Variants in CNTN5 observed in about 807,000 individuals in gnomAD.
CNTN5 encodes the protein contactin-5.
In CNTN5, 77 loss-of-function variants were observed where a neutral mutation model predicts 129.1. The observed-to-expected ratio is 0.60, with a 90% confidence interval of 0.50 to 0.72. The LOEUF is 0.72. CNTN5 is among the 30% of genes least tolerant of loss of function. The pLI is 0.00. For missense variants in CNTN5, 1,478 were observed against 1,328.8 expected, an observed-to-expected ratio of 1.11 and a Z score of -1.75; for synonymous variants, 509 against 465.6, an observed-to-expected ratio of 1.09 and a Z score of -1.20.
At chr11:99,077,457 A>T (rs1486610480) in intron 1 of CNTN5, among the ~76,000 whole-genome samples, 1 of 152,198 alleles carries the variant, frequency 6.6e-6, no homozygotes, top group East Asian at 1.9e-4. Flanking sequence ...CAGTTTGTAT[A>T]TTATTTATTA....
At chr11:99,369,117 C>T (rs1376318474) in intron 2 of CNTN5, among the ~76,000 whole-genome samples, 1 of 108,582 alleles carries the variant, frequency 9.2e-6, no homozygotes, top group East Asian at 2.7e-4. Context: ...TCCAAGTCCT[C>T]CACAAAGACG....
At chr11:99,546,196 G>C (rs1427942861) in intron 2 of CNTN5, among the ~76,000 whole-genome samples, 5 of 152,136 alleles carry the variant, frequency 3.3e-5, no homozygotes, top group Admixed American at 2.0e-4. Flanking sequence ...ATGGAAGCTT[G>C]ATAAGATCTA....
At chr11:99,056,667 C>G (rs1305081767) in intron 1 of CNTN5, among the ~76,000 whole-genome samples, 5 of 151,994 alleles carry the variant, frequency 3.3e-5, no homozygotes, top group African/African-American at 4.8e-5. Flanking sequence ...GTTCATGCCT[C>G]TAGGTCTGGG....
intron 1 of CNTN5, among the ~76,000 whole-genome samples, chr11:99,114,864 C>T (rs1304970572): frequency 6.6e-6 from 1 of 152,088 alleles, no homozygotes; most frequent in Non-Finnish European, 1.5e-5. Flanking sequence ...TTTGTATCTC[C>T]CTGAAACGTA....
chr11:99,189,858 T>A (rs1259194202), intron 1 of CNTN5, among the ~76,000 whole-genome samples: 2 of 151,670 alleles, frequency 1.3e-5, no homozygotes, highest in Non-Finnish European at 3.0e-5. Context: ...TTATAGGTTG[T>A]CCCTTTACTC....
chr11:99,961,131 G>A (rs1375365909), intron 8 of CNTN5, among the ~76,000 whole-genome samples: 1 of 151,060 alleles, frequency 6.6e-6, no homozygotes, highest in Non-Finnish European at 1.5e-5. Context: ...CTGGAACCCG[G>A]GAGGCGGATG....
At chr11:100,198,595 G>A (rs1948704672) in intron 15 of CNTN5, among the ~76,000 whole-genome samples, 1 of 151,882 alleles carries the variant, frequency 6.6e-6, no homozygotes, top group Admixed American at 6.6e-5. Flanking sequence ...GGTTGTGCTG[G>A]ATCTTAGAGA....
At chr11:99,230,200 A>G (rs1860916869) in intron 1 of CNTN5, among the ~76,000 whole-genome samples, 1 of 152,048 alleles carries the variant, frequency 6.6e-6, no homozygotes, top group Non-Finnish European at 1.5e-5. Flanking sequence ...ATATAATTAG[A>G]AAGACTACAT....
chr11:99,815,240 G>T (rs1275783192), intron 3 of CNTN5, among the ~76,000 whole-genome samples: 10 of 152,160 alleles, frequency 6.6e-5, no homozygotes, highest in African/African-American at 2.4e-4. Flanking sequence ...ACAGATTTCT[G>T]CATTTGTTAA....
chr11:99,667,180 A>G (rs1469993797), intron 3 of CNTN5, among the ~76,000 whole-genome samples: 1 of 152,094 alleles, frequency 6.6e-6, no homozygotes, highest in African/African-American at 2.4e-5. Context: ...ACCAAAGGTC[A>G]GTGGTATGAT....
chr11:99,322,543 T>C (rs762444161), intron 1 of CNTN5, among the ~76,000 whole-genome samples: 4 of 152,162 alleles, frequency 2.6e-5, no homozygotes, highest in Admixed American at 2.6e-4. Flanking sequence ...GAAGTTACTA[T>C]GTTGTTGATA....
intron 7 of CNTN5, among the ~76,000 whole-genome samples, chr11:99,945,638 C>T (rs889498636): frequency 6.6e-6 from 1 of 151,852 alleles, no homozygotes; most frequent in Non-Finnish European, 1.5e-5. Flanking sequence ...GTGTTATTAT[C>T]ATTTCATAGA....
intron 13 of CNTN5, among the ~76,000 whole-genome samples, chr11:100,158,877 A>G (rs149963974): frequency 6.6e-6 from 1 of 152,058 alleles, no homozygotes; most frequent in East Asian, 1.9e-4. Flanking sequence ...CAATGTTCAT[A>G]GCAGCACTGT....
intron 7 of CNTN5, among the ~76,000 whole-genome samples, chr11:99,935,925 T>C (rs973582136): frequency 2.0e-5 from 3 of 152,164 alleles, no homozygotes; most frequent in African/African-American, 7.2e-5. Context: ...TCTTTTATCC[T>C]ACCATGCTGG....
intron 9 of CNTN5, among the ~76,000 whole-genome samples, chr11:100,039,905 T>C (rs1942271968): frequency 6.6e-6 from 1 of 152,158 alleles, no homozygotes; most frequent in South Asian, 2.1e-4. Flanking sequence ...TTCTTTGCCA[T>C]TGGTTCGAAT....
chr11:99,412,325 C>T (rs1376207506), intron 2 of CNTN5, among the ~76,000 whole-genome samples: 1 of 152,068 alleles, frequency 6.6e-6, no homozygotes, highest in Non-Finnish European at 1.5e-5. Flanking sequence ...TGAATATGTT[C>T]TTTATACCAG....
intron 9 of CNTN5, among the ~76,000 whole-genome samples, chr11:100,022,204 C>T (rs566041772): frequency 1.3e-5 from 2 of 152,320 alleles, no homozygotes; most frequent in East Asian, 3.9e-4. Context: ...GCATTATTTG[C>T]AAGGTGTATT....
chr11:100,060,454 G>A (rs1943417624), intron 9 of CNTN5, among the ~76,000 whole-genome samples: 1 of 151,938 alleles, frequency 6.6e-6, no homozygotes, highest in South Asian at 2.1e-4. Flanking sequence ...GAGATGAAGT[G>A]GGAGATTATG....
chr11:99,861,329 C>T (rs1170381752), intron 6 of CNTN5, among the ~76,000 whole-genome samples: 1 of 152,122 alleles, frequency 6.6e-6, no homozygotes, highest in Non-Finnish European at 1.5e-5. Flanking sequence ...GATCTTTCAC[C>T]TTCTTGGTTA....
Sources: allele counts gnomAD v4.1 joint callset (sites outside exome capture counted in the v4.1 genomes callset), GRCh38; gene constraint gnomAD v4.1.1; transcripts MANE v1.5; gene names NCBI Gene and HGNC (gene_info 2026-07-23, HGNC 2026-07-21).